ARHGAP25: variants seen among roughly 807,000 people sequenced by gnomAD.
ARHGAP25 encodes the protein Rho GTPase activating protein 25, also known as rho GTPase-activating protein 25.
A neutral mutation model predicts 71.0 loss-of-function variants in ARHGAP25; 34 were observed. The observed-to-expected ratio is 0.48, with a 90% CI of 0.36 to 0.64. The LOEUF (loss-of-function observed/expected upper bound fraction) is 0.64, where lower values mean the gene tolerates loss of function less well. Ranked by LOEUF, ARHGAP25 falls within the 30% of genes least tolerant of loss-of-function variation. The probability of loss-of-function intolerance (pLI) is 0.00; values close to 1 mark genes in which losing one functional copy is unlikely to be tolerated. For missense variants in ARHGAP25, 706 were observed against 805.1 expected, an observed-to-expected ratio of 0.88 and a Z score of 1.49; for synonymous variants, 282 against 296.5, an observed-to-expected ratio of 0.95 and a Z score of 0.50.
At chr2:68,759,072 C>A (rs1676653602) in intron 1 of ARHGAP25, among the ~76,000 whole-genome samples, 1 of 151,668 alleles carries the variant, frequency 6.6e-6, no homozygotes, top group East Asian at 1.9e-4. Context: ...AACAAAAACA[C>A]TACATGTCAA....
At chr2:68,722,918 G>A (rs756973434) in intron 2 of ARHGAP25, among the ~76,000 whole-genome samples, 5 of 152,146 alleles carry the variant, frequency 3.3e-5, no homozygotes, top group African/African-American at 7.2e-5. Context: ...CTCTCCAAAC[G>A]GGAGAGGTGC....
chr2:68,809,675 C>G (rs892939864), intron 5 of ARHGAP25, among the ~76,000 whole-genome samples: 3 of 152,080 alleles, frequency 2.0e-5, no homozygotes, highest in Non-Finnish European at 2.9e-5. Context: ...TTCTAGGAGT[C>G]AGTGGGTGGA....
chr2:68,823,443 A>T (rs764898727), intron 10 of ARHGAP25, among the ~76,000 whole-genome samples: 7 of 152,230 alleles, frequency 4.6e-5, no homozygotes, highest in Non-Finnish European at 8.8e-5. Flanking sequence ...TAGGGGGGTC[A>T]GGGAAGGCCT....
chr2:68,746,695 C>G (rs572619292), intron 1 of ARHGAP25, among the ~76,000 whole-genome samples: 2 of 130,012 alleles, frequency 1.5e-5, no homozygotes, highest in East Asian at 4.3e-4. Flanking sequence ...GGTTTAAAGA[C>G]AGGGACCACC....
intron 2 of ARHGAP25, among the ~76,000 whole-genome samples, chr2:68,722,536 C>A (rs1436599545): frequency 4.0e-5 from 6 of 151,258 alleles, no homozygotes; most frequent in Non-Finnish European, 8.8e-5. Flanking sequence ...AGAGATTGCA[C>A]CACTGCACTC....
intron 6 of ARHGAP25, among the ~76,000 whole-genome samples, chr2:68,815,443 CTTTTTTTTTTTTTT>C (rs796100406): frequency 3.4e-4 from 21 of 62,332 alleles, no homozygotes; most frequent in Admixed American, 2.0e-3. Context: ...TGTGTACTCT[CTTTTTTTTTTTTTT>C]TTTTTTTTTT....
intron 2 of ARHGAP25, among the ~76,000 whole-genome samples, chr2:68,723,994 T>C (rs1038447650): frequency 1.3e-5 from 2 of 152,088 alleles, no homozygotes; most frequent in African/African-American, 4.8e-5. Context: ...CCACCTCGGC[T>C]ACCTGAGTAG....
At chr2:68,724,901 T>C (rs12470365) in intron 2 of ARHGAP25, among the ~76,000 whole-genome samples, 9,147 of 152,326 alleles carry the variant, frequency 0.06, 373 homozygotes, top group Middle Eastern at 0.13. Context: ...AGGATATATA[T>C]GAAGTATTGG....
chr2:68,746,192 T>G (rs1472894367), intron 1 of ARHGAP25, among the ~76,000 whole-genome samples: 1 of 152,192 alleles, frequency 6.6e-6, no homozygotes, highest in Non-Finnish European at 1.5e-5. Flanking sequence ...TCTTAACACT[T>G]CCTTCTGCCG....
chr2:68,783,558 GTTCA>G (rs1388180512), intron 3 of ARHGAP25, among the ~76,000 whole-genome samples: 1 of 151,906 alleles, frequency 6.6e-6, no homozygotes, highest in South Asian at 2.1e-4. Context: ...TGCCTCCCCA[GTTCA>G]AGCAATTCTC....
chr2:68,726,593 A>G (rs1411904822), intron 2 of ARHGAP25, among the ~76,000 whole-genome samples: 1 of 152,240 alleles, frequency 6.6e-6, no homozygotes, highest in African/African-American at 2.4e-5. Flanking sequence ...GCCTCCAGAT[A>G]TAAATTTTTT....
chr2:68,805,764 G>A (rs11685979), intron 4 of ARHGAP25, among the ~76,000 whole-genome samples: 140,314 of 152,182 alleles, frequency 0.92, 64,784 homozygotes, highest in Admixed American at 0.95. Context: ...GGAACTCGAG[G>A]TGGGATGGAG....
intron 7 of ARHGAP25, chr2:68,817,064 G>T (rs1250624196): frequency 1.3e-5 from 2 of 151,856 alleles, no homozygotes; most frequent in African/African-American, 4.8e-5. Flanking sequence ...TAAATATAGG[G>T]GAATAATATT....
At chr2:68,806,998 T>C (rs898609050) in intron 4 of ARHGAP25, among the ~76,000 whole-genome samples, 3 of 152,170 alleles carry the variant, frequency 2.0e-5, no homozygotes, top group Non-Finnish European at 2.9e-5. Context: ...GGACAAAAAG[T>C]GTGCAATTCC....
chr2:68,730,651 G>GAAAA (rs199845152), upstream of ARHGAP25, among the ~76,000 whole-genome samples: 1 of 117,476 alleles, frequency 8.5e-6, no homozygotes, highest in Admixed American at 9.2e-5. Flanking sequence ...CCCTGTCTCA[G>GAAAA]AAAAAAAAAA....
chr2:68,715,562 G>C (rs2104249067), intron 2 of ARHGAP25, among the ~76,000 whole-genome samples: 1 of 152,242 alleles, frequency 6.6e-6, no homozygotes, highest in Non-Finnish European at 1.5e-5. Flanking sequence ...AAGAGTAAGA[G>C]GCATTGCACC....
intron 7 of ARHGAP25, chr2:68,816,978 A>G (rs1354143016): frequency 6.6e-6 from 1 of 152,408 alleles, no homozygotes; most frequent in Admixed American, 6.5e-5. Flanking sequence ...TTCACCAGCA[A>G]CAAGCACTAT....
upstream of ARHGAP25, among the ~76,000 whole-genome samples, chr2:68,733,028 C>G (rs1484227366): frequency 1.3e-5 from 2 of 152,218 alleles, no homozygotes; most frequent in Non-Finnish European, 2.9e-5. Context: ...AGCCTTGAGA[C>G]AGATGAGCTC....
intron 1 of ARHGAP25, among the ~76,000 whole-genome samples, chr2:68,766,330 A>G (rs1677120966): frequency 6.6e-6 from 1 of 152,224 alleles, no homozygotes; most frequent in African/African-American, 2.4e-5. Context: ...AGAATTTTCT[A>G]CAGAGAAAAT....
Sources: gnomAD v4.1 joint callset for allele counts (sites outside exome capture counted in the v4.1 genomes callset) on GRCh38, gnomAD v4.1.1 for gene constraint, MANE v1.5 for transcripts, NCBI Gene and HGNC (gene_info 2026-07-23, HGNC 2026-07-21) for gene names.